Variants in OSBPL6 observed in about 807,000 individuals in gnomAD.
The protein encoded by OSBPL6 is oxysterol-binding protein-related protein 6.
Under a neutral mutation model 125.8 loss-of-function variants are expected in OSBPL6, and 49 were observed. The observed-to-expected ratio is 0.39, with a 90% CI of 0.31 to 0.49. The LOEUF is 0.49. OSBPL6 is among the 20% of genes least tolerant of loss of function. The probability of loss-of-function intolerance (pLI) is 0.88; values close to 1 mark genes in which losing one functional copy is unlikely to be tolerated. For missense variants in OSBPL6, 986 were observed against 1,135.4 expected, an observed-to-expected ratio of 0.87 and a Z score of 1.89; for synonymous variants, 394 against 391.8, an observed-to-expected ratio of 1.01 and a Z score of -0.07.
chr2:178,218,777 G>T (rs1339393373), intron 1 of OSBPL6, among the ~76,000 whole-genome samples: 1 of 151,714 alleles, frequency 6.6e-6, no homozygotes, highest in African/African-American at 2.4e-5. Flanking sequence ...ATACAGGTGT[G>T]CGTCACCATG....
At chr2:178,305,345 C>T (rs1686664604) in intron 2 of OSBPL6, among the ~76,000 whole-genome samples, 1 of 152,192 alleles carries the variant, frequency 6.6e-6, no homozygotes, top group African/African-American at 2.4e-5. Flanking sequence ...ACTAACAATG[C>T]AAACCTTCCT....
chr2:178,296,025 G>A lies in OSBPL6; in HGVS notation c.-155-10005G>A, dbSNP rs565499866. On this transcript the variant is annotated intron_variant, in intron 2 of 24. Coordinates refer to ENST00000190611, the MANE Select transcript of OSBPL6 (RefSeq NM_032523.4). ...GGCTTTAGGTCTGTGAGTTGGCGGT[G>A]ATTCTGTGTCTGATACTGTGTTACT... Among the ~76,000 whole-genome samples the A allele has an allele frequency of 7.2e-5, 11 of 152,290 alleles. No homozygotes were observed. In the South Asian group the frequency reaches 2.3e-3, roughly 32 times the overall value.
intron 13 of OSBPL6, 55 bp downstream of exon 13, chr2:178,361,870 T>G: frequency 6.3e-7 from 1 of 1,597,688 alleles, no homozygotes; most frequent in South Asian, 1.1e-5. Flanking sequence ...CCCTGTAAGA[T>G]GAAAGATCAA....
chr2:178,328,581 A>G (rs1364362484), intron 5 of OSBPL6, among the ~76,000 whole-genome samples: 1 of 152,162 alleles, frequency 6.6e-6, no homozygotes, highest in Non-Finnish European at 1.5e-5. Flanking sequence ...TCCACCTCGC[A>G]GGTTCAAGCG....
At chr2:178,358,689 G>A (rs2154096911) in intron 12 of OSBPL6, among the ~76,000 whole-genome samples, 1 of 152,200 alleles carries the variant, frequency 6.6e-6, no homozygotes, top group East Asian at 1.9e-4. Context: ...ATTGTTCTTG[G>A]CAATGGATTT....
chr2:178,264,960 G>A lies in OSBPL6; in HGVS notation c.-350-19967G>A, dbSNP rs374578047. On this transcript the variant is annotated intron_variant, in intron 1 of 24. Coordinates refer to ENST00000190611, the MANE Select transcript of OSBPL6 (RefSeq NM_032523.4). ...AGTGCAATGGTGTGGTGTAATCATA[G>A]CCCTCTGCAGCCTCCAACTCCTGGG... 5.8e-4 allele frequency among the ~76,000 whole-genome samples: 88 copies of A among 151,652 alleles called. 2 individuals are homozygous for A. The South Asian group carries it at 0.01, about 18-fold the overall frequency.
intron 1 of OSBPL6, among the ~76,000 whole-genome samples, chr2:178,275,121 T>C (rs1574712073): frequency 1.3e-5 from 2 of 152,104 alleles, no homozygotes; most frequent in South Asian, 4.1e-4. Context: ...AGAAATGAAA[T>C]GGTAATGGAA....
At chr2:178,359,564 A>C (rs1227623278) in intron 12 of OSBPL6, among the ~76,000 whole-genome samples, 1 of 152,214 alleles carries the variant, frequency 6.6e-6, no homozygotes, top group African/African-American at 2.4e-5. Context: ...ATATATCTAC[A>C]GGAAACGAAA....
At chr2:178,234,474 A>G (rs2090967207) in intron 1 of OSBPL6, among the ~76,000 whole-genome samples, 2 of 152,234 alleles carry the variant, frequency 1.3e-5, no homozygotes. Context: ...ATAGATTCAC[A>G]GGAAGTTGCC....
chr2:178,396,220 A>G lies in OSBPL6; in HGVS notation c.*661A>G, dbSNP rs1695837648. ...GGCATGATTCACTTTCTCAATCAGG[A>G]CAATTATGAGACTAACTTAAATGGG... On this transcript the variant is annotated 3_prime_UTR_variant, in exon 25 of 25. Transcript: ENST00000190611. 1 of 160,596 alleles carries G rather than the reference A, an allele frequency of 6.2e-6. No individual in the cohort carries two copies. The highest frequency in any genetic ancestry group is 1.7e-4 in the South Asian group (1 of 5,838). The allele number at this position is 160,596 out of a possible 1,614,324, so 9.9% of individuals were successfully genotyped here. A position where few individuals can be genotyped will look rare whatever the true frequency, so the allele number is the denominator to read the frequency against.
intron 1 of OSBPL6, among the ~76,000 whole-genome samples, chr2:178,276,241 T>C (rs978925128): frequency 1.3e-5 from 2 of 152,304 alleles, no homozygotes; most frequent in African/African-American, 4.8e-5. Flanking sequence ...TATTTTTATA[T>C]GATAGTTTAA....
intron 19 of OSBPL6, among the ~76,000 whole-genome samples, chr2:178,386,808 C>T (rs1439296597): frequency 6.6e-6 from 1 of 151,712 alleles, no homozygotes; most frequent in African/African-American, 2.4e-5. Flanking sequence ...AAATAAAGAG[C>T]ATATGTTATA....
Position 178,384,148 on chromosome 2 carries a change from A to G in OSBPL6, c.1985A>G (p.Asp662Gly). The change falls in exon 18 of 25, where the codon GAC (aspartate) becomes GGC (glycine). Residue 662 changes from aspartate (D) to glycine (G), a missense_variant. Physicochemically the swap from Asp to Gly is moderately conservative, Grantham distance 94. This residue lies in a region of OSBPL6 where 843 missense variants were observed against 997.3 expected (regional missense o/e 0.85). Transcript: ENST00000190611. ...GAGACTTATGAATGCATTAGAGAAG[A>G]CAAGGGATTCCGCTTTTTCTCAGAA... ...LGETYECIRE[D>G]KGFRFFSEQV... 6.2e-7 allele frequency: 1 copy of G among 1,614,090 alleles called. No individual in the cohort carries two copies. The highest frequency in any genetic ancestry group is 8.5e-7 in the Non-Finnish European group (1 of 1,179,938).
At position 178,401,810 on chromosome 2, in the gene OSBPL6, G is replaced by GC. The variant is rs1696109706; in HGVS notation, c.*6256dup. 3 of 152,312 alleles carry GC rather than the reference G, an allele frequency of 2.0e-5. No homozygotes were observed. Among genetic ancestry groups the GC allele is most frequent in the South Asian group, 4.1e-4 (2 of 4,830 alleles). 9.4% of individuals were successfully genotyped at this position (152,312 alleles called of 1,614,324 possible). ...ATCCTCATTGTAACAAGCACCCTCT[G>GC]CCCCCGGGACATTTTAAGGTAGATG... On this transcript the variant is annotated 3_prime_UTR_variant, in exon 25 of 25. Coordinates refer to ENST00000190611, the MANE Select transcript of OSBPL6 (RefSeq NM_032523.4).
At chr2:178,214,586 A>G (rs1229877770) in intron 1 of OSBPL6, among the ~76,000 whole-genome samples, 2 of 152,180 alleles carry the variant, frequency 1.3e-5, no homozygotes, top group South Asian at 2.1e-4. Context: ...AACTGATTCA[A>G]TCAGGCCCAC....
intron 1 of OSBPL6, among the ~76,000 whole-genome samples, chr2:178,254,204 C>T (rs1458399932): frequency 6.6e-6 from 1 of 152,050 alleles, no homozygotes; most frequent in Admixed American, 6.5e-5. Flanking sequence ...CCAGCCTGGC[C>T]AACATAATGA....
chr2:178,246,316 T>C (rs779947871), intron 1 of OSBPL6, among the ~76,000 whole-genome samples: 5 of 152,216 alleles, frequency 3.3e-5, no homozygotes, highest in Admixed American at 6.5e-5. Context: ...CCATGCAGTC[T>C]CTGACTATGG....
At chr2:178,222,373 G>A (rs916880604) in intron 1 of OSBPL6, among the ~76,000 whole-genome samples, 7 of 152,176 alleles carry the variant, frequency 4.6e-5, no homozygotes, top group Non-Finnish European at 7.3e-5. Flanking sequence ...GGCTGGGCGC[G>A]GTGGCTCACA....
chr2:178,284,730 G>A (rs1684540435), intron 1 of OSBPL6, among the ~76,000 whole-genome samples, 197 bp from the exon 2 acceptor site: 1 of 152,184 alleles, frequency 6.6e-6, no homozygotes, highest in Non-Finnish European at 1.5e-5. Context: ...TGATTACTGA[G>A]AAGGTCAGTG....
Sources: allele counts gnomAD v4.1 joint callset (sites outside exome capture counted in the v4.1 genomes callset), GRCh38; gene constraint gnomAD v4.1.1; regional missense constraint gnomAD v4.1.1; transcripts MANE v1.5; gene names NCBI Gene and HGNC (gene_info 2026-07-23, HGNC 2026-07-21).